WNT7A: variants seen among roughly 807,000 people sequenced by gnomAD.
WNT7A encodes Wnt family member 7A.
A neutral mutation model predicts 28.2 loss-of-function variants in WNT7A; 16 were observed. The ratio of observed to expected loss-of-function variants is 0.57; its 90% CI spans 0.38 to 0.86. WNT7A has a LOEUF of 0.86. Ranked by LOEUF, WNT7A falls within the 40% of genes least tolerant of loss-of-function variation. The probability of loss-of-function intolerance (pLI) is 0.00; values close to 1 mark genes in which losing one functional copy is unlikely to be tolerated. For synonymous variants in WNT7A, 190 were observed against 195.9 expected, an observed-to-expected ratio of 0.97 and a Z score of 0.25; for missense variants, 411 against 489.7, an observed-to-expected ratio of 0.84 and a Z score of 1.52.
intron 2 of WNT7A, among the ~76,000 whole-genome samples, chr3:13,858,186 T>C (rs1424405925): frequency 6.6e-6 from 1 of 152,036 alleles, no homozygotes; most frequent in Non-Finnish European, 1.5e-5. Context: ...CCAGGTGCAG[T>C]GGGCAGGCAC....
intron 3 of WNT7A, among the ~76,000 whole-genome samples, chr3:13,845,102 G>C (rs1694518677): frequency 6.6e-6 from 1 of 152,230 alleles, no homozygotes; most frequent in African/African-American, 2.4e-5. Flanking sequence ...TCTCAGGTGA[G>C]TTTCAAATGA....
chr3:13,819,531 T>G (rs1694079232), intron 3 of WNT7A, 108 bp from the exon 4 acceptor site: 2 of 1,389,348 alleles, frequency 1.4e-6, no homozygotes, highest in Non-Finnish European at 1.9e-6. Context: ...TATCTGGGTC[T>G]GGCTTTAGTT....
rs1226988037 is a variant in WNT7A at position 13,817,791 on chromosome 3, GT to G, written c.*1152del. On this transcript the variant is annotated 3_prime_UTR_variant, in exon 4 of 4. Coordinates refer to ENST00000285018, the MANE Select transcript of WNT7A (RefSeq NM_004625.4). Reference sequence around the variant, plus strand: ...GCTGCAGGATGACGGTCAAGTCCCTGTGAGGGGCACGATGACCACCCACCAC... The same window carrying G: ...GCTGCAGGATGACGGTCAAGTCCCTGGAGGGGCACGATGACCACCCACCAC... The G allele has an allele frequency of 1.3e-5, 2 of 152,244 alleles. No individual in the cohort carries two copies. The highest frequency in any genetic ancestry group is 2.1e-4 in the South Asian group (1 of 4,836). The allele number at this position is 152,244 out of a possible 1,614,324, so 9.4% of individuals were successfully genotyped here. A position where few individuals can be genotyped will look rare whatever the true frequency, so the allele number is the denominator to read the frequency against.
chr3:13,829,841 C>T (rs1358948065), intron 3 of WNT7A, among the ~76,000 whole-genome samples: 2 of 152,074 alleles, frequency 1.3e-5, no homozygotes, highest in Non-Finnish European at 2.9e-5. Context: ...TGACCATTTC[C>T]CCCAGAGGTC....
Position 13,818,860 on chromosome 3 carries a change from C to T in WNT7A, c.*84G>A, listed in dbSNP as rs1575057092. On this transcript the variant is annotated 3_prime_UTR_variant, in exon 4 of 4. Transcript: ENST00000285018. ...TCAGCAGAAAAGACAAGCTCAGCAT[C>T]CTGCCAGGGAGCCCGCAGCTTGGAA... 6.7e-7 allele frequency: 1 copy of T among 1,490,416 alleles called. No individual in the cohort carries two copies. Among genetic ancestry groups the T allele is most frequent in the Non-Finnish European group, 8.9e-7 (1 of 1,120,032 alleles). The allele number at this position is 1,490,416 out of a possible 1,614,324, so 92.3% of individuals were successfully genotyped here.
chr3:13,822,092 G>A (rs762708157), intron 3 of WNT7A, among the ~76,000 whole-genome samples: 14 of 152,178 alleles, frequency 9.2e-5, no homozygotes, highest in South Asian at 2.1e-4. Context: ...AAGTGTCGGC[G>A]AGGGTGTGGA....
chr3:13,858,042 C>A (rs982958023), intron 2 of WNT7A, among the ~76,000 whole-genome samples: 5 of 152,176 alleles, frequency 3.3e-5, no homozygotes, highest in African/African-American at 1.2e-4. Flanking sequence ...TAGGGCTTTT[C>A]TTTTACAATC....
chr3:13,838,490 TA>T (rs2124842957), intron 3 of WNT7A, among the ~76,000 whole-genome samples: 1 of 152,310 alleles, frequency 6.6e-6, no homozygotes, highest in East Asian at 1.9e-4. Flanking sequence ...GGATACCACT[TA>T]ACCTCTCTGA....
At chr3:13,828,866 G>A (rs1156679499) in intron 3 of WNT7A, among the ~76,000 whole-genome samples, 2 of 152,160 alleles carry the variant, frequency 1.3e-5, no homozygotes, top group Admixed American at 6.5e-5. Flanking sequence ...GAAGCAGAAG[G>A]GCAGGCACTG....
chr3:13,818,762 G>A lies in WNT7A; in HGVS notation c.*182C>T. ...GTGGAGCAGCATTGGGTGTGGAACA[G>A]AATAGTTGAGGGCTCTGAGAGATTT... On this transcript the variant is annotated 3_prime_UTR_variant, in exon 4 of 4. Coordinates refer to ENST00000285018, the MANE Select transcript of WNT7A (RefSeq NM_004625.4). 1 of 945,012 alleles carries A rather than the reference G, an allele frequency of 1.1e-6. No homozygotes were observed. The highest frequency in any genetic ancestry group is 1.5e-6 in the Non-Finnish European group (1 of 658,942). The allele number at this position is 945,012 out of a possible 1,614,324, so 58.5% of individuals were successfully genotyped here.
At chr3:13,850,533 G>A (rs2124854068) in intron 3 of WNT7A, among the ~76,000 whole-genome samples, 1 of 152,266 alleles carries the variant, frequency 6.6e-6, no homozygotes, top group African/African-American at 2.4e-5. Context: ...CACTTCGGCG[G>A]AATTCCATCC....
At chr3:13,869,578 G>T (rs1328188273) in intron 2 of WNT7A, among the ~76,000 whole-genome samples, 1 of 145,202 alleles carries the variant, frequency 6.9e-6, no homozygotes, top group African/African-American at 2.5e-5. Flanking sequence ...TGAAGAGAGA[G>T]AGAGAAAGGA....
intron 3 of WNT7A, among the ~76,000 whole-genome samples, chr3:13,841,895 C>A (rs1173986013): frequency 4.6e-5 from 7 of 152,092 alleles, no homozygotes; most frequent in Non-Finnish European, 1.0e-4. Flanking sequence ...GAAAGGCCTC[C>A]TTGAGAGGTG....
chr3:13,864,423 A>C (rs1694879543), intron 2 of WNT7A, among the ~76,000 whole-genome samples: 3 of 152,072 alleles, frequency 2.0e-5, no homozygotes, highest in African/African-American at 7.2e-5. Flanking sequence ...CGCCCAGCCA[A>C]GCCCTTCCTG....
intron 2 of WNT7A, among the ~76,000 whole-genome samples, chr3:13,868,996 AAGAGAGAAAGAAAGAG>A (rs1559307383): frequency 3.3e-5 from 4 of 122,042 alleles, no homozygotes; most frequent in South Asian, 3.7e-4. Context: ...GAAAAAGAGA[AAGAGAGAAAGAAAGAG>A]AGAGAGAAAG....
In WNT7A at chr3:13,818,773, G is replaced by C. The variant is rs1694059615; in HGVS notation, c.*171C>G. 1.6e-5 allele frequency: 16 copies of C among 1,014,430 alleles called. No homozygotes were observed. The East Asian group carries it at 4.3e-4, about 27-fold the overall frequency. The allele number at this position is 1,014,430 out of a possible 1,614,324, so 62.8% of individuals were successfully genotyped here. ...TTGGGTGTGGAACAGAATAGTTGAG[G>C]GCTCTGAGAGATTTTTTTTCCCCCA... On this transcript the variant is annotated 3_prime_UTR_variant, in exon 4 of 4. Coordinates refer to ENST00000285018, the MANE Select transcript of WNT7A (RefSeq NM_004625.4).
chr3:13,850,113 G>T (rs1257203863), intron 3 of WNT7A, among the ~76,000 whole-genome samples: 7 of 152,248 alleles, frequency 4.6e-5, no homozygotes, highest in Non-Finnish European at 1.0e-4. Context: ...CTTTCCATTC[G>T]CAAGGGCAAG....
At chr3:13,869,801 G>C (rs934970330) in intron 2 of WNT7A, among the ~76,000 whole-genome samples, 1 of 152,188 alleles carries the variant, frequency 6.6e-6, no homozygotes, top group African/African-American at 2.4e-5. Context: ...CAAGGTAGCA[G>C]TTGGTCAAAC....
intron 3 of WNT7A, among the ~76,000 whole-genome samples, chr3:13,839,928 G>C (rs1050490958): frequency 6.6e-6 from 1 of 152,182 alleles, no homozygotes; most frequent in Non-Finnish European, 1.5e-5. Context: ...CAGCAAGCAG[G>C]GGTGCAGGGA....
Sources: gnomAD v4.1 joint callset for allele counts (sites outside exome capture counted in the v4.1 genomes callset) on GRCh38, gnomAD v4.1.1 for gene constraint, MANE v1.5 for transcripts, NCBI Gene and HGNC (gene_info 2026-07-23, HGNC 2026-07-21) for gene names.